GABRB1: variants seen among roughly 807,000 people sequenced by gnomAD.
The protein encoded by GABRB1 is gamma-aminobutyric acid type A receptor subunit beta1, also known as gamma-aminobutyric acid receptor subunit beta-1.
GABRB1 carries 17 observed loss-of-function variants against 51.6 expected under a neutral mutation model. The observed-to-expected ratio is 0.33, with a 90% CI of 0.23 to 0.49. GABRB1 has a LOEUF of 0.49. Among genes scored for constraint, GABRB1 ranks in the 20% least tolerant of loss-of-function variants. The pLI, the probability that GABRB1 is intolerant of heterozygous loss-of-function variation, is 0.99. For missense variants in GABRB1, 410 were observed against 600.6 expected, an observed-to-expected ratio of 0.68 and a Z score of 3.32; for synonymous variants, 247 against 218.9, an observed-to-expected ratio of 1.13 and a Z score of -1.14.
chr4:47,423,781 T>C (rs1283520115), intron 8 of GABRB1, among the ~76,000 whole-genome samples: 2 of 152,194 alleles, frequency 1.3e-5, no homozygotes, highest in African/African-American at 4.8e-5. Context: ...TATTGTTTAA[T>C]TTACTTAACT....
At chr4:47,214,157 G>A (rs924301026) in intron 4 of GABRB1, among the ~76,000 whole-genome samples, 2 of 152,272 alleles carry the variant, frequency 1.3e-5, no homozygotes, top group South Asian at 4.1e-4. Flanking sequence ...TGTGGGAATA[G>A]TGTCTTAACA....
rs1720927689 is a variant in GABRB1, at chr4:47,225,828, A to G, written c.461+64359A>G. On this transcript the variant is annotated intron_variant, in intron 4 of 8. Coordinates refer to ENST00000295454, the MANE Select transcript of GABRB1 (RefSeq NM_000812.4). ...CATGCCAACTTTGTTTTACCCTTCC[A>G]CAGAAATTTCTTCCAGTAAATGCAT... Among the ~76,000 whole-genome samples the G allele has an allele frequency of 1.3e-5, 2 of 152,174 alleles. 1 individual carries two copies. Among genetic ancestry groups the G allele is most frequent in the South Asian group, 4.1e-4 (2 of 4,828 alleles).
intron 3 of GABRB1, among the ~76,000 whole-genome samples, chr4:47,099,429 G>A (rs772507405): frequency 1.2e-4 from 18 of 152,022 alleles, no homozygotes; most frequent in Non-Finnish European, 2.4e-4. Flanking sequence ...TGCCCCAAAG[G>A]CAAGGTATCA....
chr4:47,023,308 A>T (rs1296478309), intron 1 of GABRB1, among the ~76,000 whole-genome samples: 2 of 152,090 alleles, frequency 1.3e-5, no homozygotes, highest in African/African-American at 4.8e-5. Context: ...TGTACATTTT[A>T]AAATAACTTA....
intron 3 of GABRB1, among the ~76,000 whole-genome samples, chr4:47,115,379 G>A (rs527762712): frequency 6.6e-6 from 1 of 151,478 alleles, no homozygotes; most frequent in African/African-American, 2.4e-5. Context: ...ATTCTATCTT[G>A]TACCACTGTC....
intron 3 of GABRB1, among the ~76,000 whole-genome samples, chr4:47,056,216 T>C (rs1726592963): frequency 6.6e-6 from 1 of 152,218 alleles, no homozygotes; most frequent in Non-Finnish European, 1.5e-5. Flanking sequence ...AAAACTGTCC[T>C]TTCAGAGGTC....
At chr4:47,412,411 AAG>A (rs1350378590) in intron 8 of GABRB1, among the ~76,000 whole-genome samples, 1 of 152,162 alleles carries the variant, frequency 6.6e-6, no homozygotes. Flanking sequence ...AAGTAAGAAA[AAG>A]AGACTATACT....
intron 4 of GABRB1, among the ~76,000 whole-genome samples, chr4:47,194,086 T>C (rs549995517): frequency 6.6e-6 from 1 of 152,338 alleles, no homozygotes; most frequent in East Asian, 1.9e-4. Flanking sequence ...ATGGTTTATG[T>C]TTTGACTGTA....
At chr4:47,231,949 G>A (rs972321993) in intron 4 of GABRB1, among the ~76,000 whole-genome samples, 14 of 152,114 alleles carry the variant, frequency 9.2e-5, no homozygotes, top group African/African-American at 1.4e-4. Context: ...TCCAAGTAGC[G>A]TTAAGCCCTT....
intron 5 of GABRB1, among the ~76,000 whole-genome samples, chr4:47,387,426 T>C (rs188601390): frequency 6.6e-6 from 1 of 152,152 alleles, no homozygotes; most frequent in Non-Finnish European, 1.5e-5. Flanking sequence ...AAGCCAAGAT[T>C]GTGCCACTGC....
chr4:47,413,341 G>A (rs1363095023), intron 8 of GABRB1, among the ~76,000 whole-genome samples: 1 of 152,124 alleles, frequency 6.6e-6, no homozygotes, highest in Admixed American at 6.5e-5. Context: ...CCCTGCACCT[G>A]CTTAGGTTTG....
At chr4:47,236,152 A>G (rs906330441) in intron 4 of GABRB1, among the ~76,000 whole-genome samples, 1 of 152,164 alleles carries the variant, frequency 6.6e-6, no homozygotes, top group Non-Finnish European at 1.5e-5. Flanking sequence ...ATTAAAACAT[A>G]AATTTTATTC....
intron 5 of GABRB1, among the ~76,000 whole-genome samples, chr4:47,379,615 A>G (rs1029825444): frequency 6.6e-6 from 1 of 152,180 alleles, no homozygotes; most frequent in Non-Finnish European, 1.5e-5. Flanking sequence ...CCATCTGTGT[A>G]CTATACTATA....
At chr4:47,010,925 A>G (rs1724562624) in intron 1 of GABRB1, among the ~76,000 whole-genome samples, 1 of 152,092 alleles carries the variant, frequency 6.6e-6, no homozygotes, top group African/African-American at 2.4e-5. Context: ...TCTATTAATA[A>G]CTCACACAGT....
At chr4:47,351,101 T>C (rs188850345) in intron 5 of GABRB1, among the ~76,000 whole-genome samples, 6 of 152,348 alleles carry the variant, frequency 3.9e-5, no homozygotes, top group East Asian at 3.9e-4. Flanking sequence ...TGCAGCCATT[T>C]ATTCAATCAA....
intron 4 of GABRB1, 151 bp from the exon 5 acceptor site, chr4:47,319,976 G>A (rs960769081): frequency 4.7e-5 from 31 of 662,002 alleles, no homozygotes; most frequent in Non-Finnish European, 7.0e-5. Flanking sequence ...ATTTGTTGAC[G>A]TATAATTATT....
intron 3 of GABRB1, among the ~76,000 whole-genome samples, chr4:47,122,965 T>C (rs1715847119): frequency 6.6e-6 from 1 of 152,090 alleles, no homozygotes. Context: ...TGTAAAAGCT[T>C]GGGATTGAAG....
intron 4 of GABRB1, among the ~76,000 whole-genome samples, chr4:47,273,205 T>C (rs1722943038): frequency 6.6e-6 from 1 of 152,180 alleles, no homozygotes; most frequent in Non-Finnish European, 1.5e-5. Flanking sequence ...TATCATGTTA[T>C]ACAGGAGCTT....
At chr4:47,373,760 T>G (rs1257798249) in intron 5 of GABRB1, among the ~76,000 whole-genome samples, 1 of 152,198 alleles carries the variant, frequency 6.6e-6, no homozygotes, top group East Asian at 1.9e-4. Context: ...GCCTGGGCTC[T>G]GACGTCAAGA....
Sources: gnomAD v4.1 joint callset for allele counts (sites outside exome capture counted in the v4.1 genomes callset) on GRCh38, gnomAD v4.1.1 for gene constraint, MANE v1.5 for transcripts, NCBI Gene and HGNC (gene_info 2026-07-23, HGNC 2026-07-21) for gene names.